PTPRQ: variants seen among roughly 807,000 people sequenced by gnomAD.
PTPRQ encodes phosphatidylinositol phosphatase PTPRQ.
PTPRQ carries 199 observed loss-of-function variants against 246.0 expected under a neutral mutation model. That is an observed-to-expected ratio of 0.81 (90% CI 0.72 to 0.91). The LOEUF is 0.91. Ranked by LOEUF, PTPRQ falls within the 40% of genes least tolerant of loss-of-function variation. The pLI is 0.00. For synonymous variants in PTPRQ, 869 were observed against 853.2 expected (o/e 1.02, Z -0.32); for missense variants, 2,624 against 2,528.4 (o/e 1.04, Z -0.81).
chr12:80,598,091 A>G (rs1016841991), intron 26 of PTPRQ, among the ~76,000 whole-genome samples: 4 of 151,940 alleles, frequency 2.6e-5, no homozygotes, highest in African/African-American at 9.7e-5. Flanking sequence ...ATCAAATAAG[A>G]TGATCATACA....
intron 33 of PTPRQ, among the ~76,000 whole-genome samples, chr12:80,627,704 G>A (rs1488218197): frequency 6.6e-6 from 1 of 152,056 alleles, no homozygotes; most frequent in Non-Finnish European, 1.5e-5. Flanking sequence ...AATTTAATGT[G>A]ATTTGTCACA....
chr12:80,473,337 G>C (rs1205458757), intron 8 of PTPRQ, among the ~76,000 whole-genome samples: 1 of 152,050 alleles, frequency 6.6e-6, no homozygotes, highest in Non-Finnish European at 1.5e-5. Context: ...AAGAATCCTA[G>C]CATTGTGTAG....
intron 14 of PTPRQ, among the ~76,000 whole-genome samples, chr12:80,499,454 G>A (rs2120670628): frequency 6.6e-6 from 1 of 151,932 alleles, no homozygotes; most frequent in Admixed American, 6.6e-5. Context: ...TGTTAGGTAG[G>A]GTCTCAAGTG....
intron 13 of PTPRQ, 52 bp downstream of exon 13, chr12:80,496,158 C>T (rs1425789732): frequency 6.5e-7 from 1 of 1,543,994 alleles, no homozygotes; most frequent in Non-Finnish European, 8.7e-7. Flanking sequence ...GTTGTAAATG[C>T]TCACTGCCTT....
At position 80,678,966 on chromosome 12, in the gene PTPRQ, CATGTTACTTTCTGTTATAGGTG is replaced by C. The variant is rs1215892903; in HGVS notation, c.6863-14_6870del. On this transcript the variant is annotated splice_acceptor_variant and splice_polypyrimidine_tract_variant and coding_sequence_variant and intron_variant, in exon 45 of 45. Coordinates refer to ENST00000644991, the MANE Select transcript of PTPRQ (RefSeq NM_001145026.2). LOFTEE classifies it high-confidence loss of function. The stretch of plus-strand genomic sequence containing the variant: ...TGTTAACTTCAACACTCTCTTGTAA[CATGTTACTTTCTGTTATAGGTG>C]ATGTTGAGCTTGAATGGGAAGAAAC... The C allele has an allele frequency of 7.8e-6, 12 of 1,538,892 alleles. No homozygotes were observed. The highest frequency in any genetic ancestry group is 1.4e-5 in the African/African-American group (1 of 72,402).
At chr12:80,563,310 G>C (rs1036665003) in intron 25 of PTPRQ, among the ~76,000 whole-genome samples, 1 of 151,970 alleles carries the variant, frequency 6.6e-6, no homozygotes, top group Admixed American at 6.6e-5. Flanking sequence ...TATGGTGAAA[G>C]GGATGAGGCA....
Position 80,468,709 on chromosome 12 carries a change from G to C in PTPRQ, c.911-1G>C. 6 of 1,528,938 alleles carry C rather than the reference G, an allele frequency of 3.9e-6. No homozygotes were observed. In the South Asian group the frequency reaches 7.7e-5, roughly 20 times the overall value. The allele number at this position is 1,528,938 out of a possible 1,614,324, so 94.7% of individuals were successfully genotyped here. ...GTATTTATTTTCTATAATTATTTTA[G>C]TGCCTGAAGGACCACCACAAAACTG... On this transcript the variant is annotated splice_acceptor_variant, in intron 6 of 44. Transcript: ENST00000644991. LOFTEE classifies it high-confidence loss of function.
chr12:80,505,146 T>C (rs1894915721), intron 14 of PTPRQ, among the ~76,000 whole-genome samples: 1 of 151,886 alleles, frequency 6.6e-6, no homozygotes, highest in Non-Finnish European at 1.5e-5. Flanking sequence ...ACTACACATA[T>C]GTTACTATAC....
At chr12:80,663,883 G>A (rs566388007) in intron 39 of PTPRQ, among the ~76,000 whole-genome samples, 1 of 151,746 alleles carries the variant, frequency 6.6e-6, no homozygotes, top group South Asian at 2.1e-4. Flanking sequence ...CTTCAACCCT[G>A]CTCTGCCCTA....
intron 8 of PTPRQ, 107 bp downstream of exon 8, chr12:80,472,358 GT>G: frequency 7.0e-7 from 1 of 1,419,202 alleles, no homozygotes; most frequent in Middle Eastern, 1.8e-4. Context: ...CTTAAATCAT[GT>G]TATTTCCTTA....
chr12:80,533,918 C>A, intron 17 of PTPRQ, 97 bp from the exon 18 acceptor site: 1 of 848,418 alleles, frequency 1.2e-6, no homozygotes. Flanking sequence ...AATAAATTTC[C>A]ATATATTAAT....
intron 3 of PTPRQ, chr12:80,454,510 T>A (rs1565714656): frequency 1.4e-6 from 1 of 702,600 alleles, no homozygotes; most frequent in African/African-American, 1.7e-5. Flanking sequence ...CTGTGTTCAA[T>A]AGGATTGGTG....
At chr12:80,664,734 A>G (rs1900734284) in intron 39 of PTPRQ, among the ~76,000 whole-genome samples, 1 of 151,976 alleles carries the variant, frequency 6.6e-6, no homozygotes, top group South Asian at 2.1e-4. Flanking sequence ...ACACTGAATC[A>G]GCTATTTTCA....
chr12:80,521,084 T>C (rs1388560165), intron 17 of PTPRQ, among the ~76,000 whole-genome samples: 4 of 152,088 alleles, frequency 2.6e-5, no homozygotes, highest in Non-Finnish European at 5.9e-5. Context: ...CTCATTGTGG[T>C]TTTGATTTGC....
chr12:80,654,364 G>A (rs1176141390), intron 38 of PTPRQ, among the ~76,000 whole-genome samples: 1 of 152,114 alleles, frequency 6.6e-6, no homozygotes. Context: ...CTTTCTTTTA[G>A]AGAGTTAACC....
At chr12:80,518,744 C>T (rs1307389095) in intron 17 of PTPRQ, among the ~76,000 whole-genome samples, 7 of 152,072 alleles carry the variant, frequency 4.6e-5, no homozygotes, top group Non-Finnish European at 7.4e-5. Flanking sequence ...GTCCTTTATC[C>T]AATGTATGTT....
chr12:80,619,939 C>T (rs868282933), intron 31 of PTPRQ, among the ~76,000 whole-genome samples: 1 of 151,424 alleles, frequency 6.6e-6, no homozygotes, highest in Non-Finnish European at 1.5e-5. Context: ...TCTTTCTCTA[C>T]CTGATAAATC....
At chr12:80,490,723 T>C (rs935074580) in intron 9 of PTPRQ, among the ~76,000 whole-genome samples, 3 of 151,922 alleles carry the variant, frequency 2.0e-5, no homozygotes, top group Non-Finnish European at 4.4e-5. Context: ...TTGGGAACCC[T>C]GTATTAAATC....
At chr12:80,506,748 A>G in intron 16 of PTPRQ, 78 bp downstream of exon 16, 1 of 1,300,276 alleles carries the variant, frequency 7.7e-7, no homozygotes, top group Non-Finnish European at 1.0e-6. Context: ...GAAACAATGT[A>G]AAAACTCCTC....
Sources: gnomAD v4.1 joint callset for allele counts (sites outside exome capture counted in the v4.1 genomes callset) on GRCh38, gnomAD v4.1.1 for gene constraint, MANE v1.5 for transcripts, NCBI Gene and HGNC (gene_info 2026-07-23, HGNC 2026-07-21) for gene names.